The following DEFB134 variants were observed in gnomAD, a reference collection of about 807,000 sequenced individuals.
The protein encoded by DEFB134 is beta-defensin 134.
Under a neutral mutation model 7.4 loss-of-function variants are expected in DEFB134, and 7 were observed. The ratio of observed to expected loss-of-function variants is 0.95; its 90% CI spans 0.54 to 1.79. The LOEUF is 1.79. Among genes scored for constraint, DEFB134 ranks in the 40% most tolerant of loss-of-function variants. The pLI is 0.00. For missense variants in DEFB134, 105 were observed against 74.8 expected, an observed-to-expected ratio of 1.40 and a Z score of -1.49; for synonymous variants, 33 against 25.0, an observed-to-expected ratio of 1.32 and a Z score of -0.96.
upstream of DEFB134, among the ~76,000 whole-genome samples, chr8:11,998,790 G>T (rs1296502562): frequency 6.6e-6 from 1 of 152,030 alleles, no homozygotes; most frequent in Non-Finnish European, 1.5e-5. Context: ...TGCTTATTTA[G>T]ACTGCTAGCT....
upstream of DEFB134, among the ~76,000 whole-genome samples, chr8:11,998,376 A>T (rs1351146027): frequency 6.6e-6 from 1 of 151,940 alleles, no homozygotes; most frequent in Non-Finnish European, 1.5e-5. Context: ...GCTTGCGCCT[A>T]AGGGGTTGGG....
At chr8:11,996,070 AG>A in intron 1 of DEFB134, 123 bp downstream of exon 2, 1 of 1,159,232 alleles carries the variant, frequency 8.6e-7, no homozygotes, top group East Asian at 2.4e-5. Context: ...CATCAAAACT[AG>A]TTGATGCTTT....
At chr8:11,996,245 G>T in exon 1 of DEFB134, 1 of 1,613,692 alleles carries the variant, frequency 6.2e-7, no homozygotes, top group Non-Finnish European at 8.5e-7. Flanking sequence ...ACAAGGAGAG[G>T]CTTCATGGCT....
intron 1 of DEFB134, among the ~76,000 whole-genome samples, chr8:11,995,762 CA>C (rs1800102226): frequency 6.6e-6 from 1 of 152,056 alleles, no homozygotes; most frequent in Non-Finnish European, 1.5e-5. Context: ...GAATTAGAGA[CA>C]AAATAACAGC....
upstream of DEFB134, among the ~76,000 whole-genome samples, chr8:11,998,415 C>T (rs780183045): frequency 2.0e-5 from 3 of 151,422 alleles, no homozygotes; most frequent in Non-Finnish European, 4.4e-5. Context: ...TGTCCTGCTC[C>T]ACCCAAGCCT....
exon 2 of DEFB134, chr8:11,993,902 G>T: frequency 1.9e-6 from 3 of 1,551,932 alleles, no homozygotes; most frequent in South Asian, 2.5e-5. Context: ...GTCACAGTTT[G>T]ATCTAAATTC....
chr8:11,994,582 C>A (rs763246614), intron 1 of DEFB134, among the ~76,000 whole-genome samples: 1 of 152,142 alleles, frequency 6.6e-6, no homozygotes, highest in African/African-American at 2.4e-5. Flanking sequence ...CCACAGTGTG[C>A]GGAATTTTGT....
At position 11,994,140 on chromosome 8, in the gene DEFB134, A is replaced by G; in HGVS notation, c.59-18T>C. ...ATTTATACCTGGAAGGAAAATGAAT[A>G]GAAAGATAATTCACTACAGGCCTTT... On this transcript the variant is annotated intron_variant, in intron 1 of 1. Coordinates refer to ENST00000526438, the Ensembl canonical transcript of DEFB134. 1 of 1,607,116 alleles carries G rather than the reference A, an allele frequency of 6.2e-7. No individual in the cohort carries two copies. Among genetic ancestry groups the G allele is most frequent in the African/African-American group, 1.3e-5 (1 of 74,774 alleles).
rs111399861 is a variant in DEFB134, at chr8:11,994,185, G to A, written c.59-63C>T. 5 of 1,530,856 alleles carry A rather than the reference G, an allele frequency of 3.3e-6. No homozygotes were observed. The South Asian group carries it at 6.3e-5, about 19-fold the overall frequency. The allele number at this position is 1,530,856 out of a possible 1,614,324, so 94.8% of individuals were successfully genotyped here. ...GCCTTTTTGGACCATAAAATTGCTA[G>A]TCCCTCAATTTTTATCCAACCGGAT... On this transcript the variant is annotated intron_variant, in intron 1 of 1. Coordinates refer to ENST00000526438, the Ensembl canonical transcript of DEFB134.
At chr8:11,994,065 C>T (rs768889946) in exon 2 of DEFB134, 21 of 1,613,732 alleles carry the variant, frequency 1.3e-5, no homozygotes, top group African/African-American at 2.7e-5. Flanking sequence ...GCATTCAAGT[C>T]TGCAGATGCC....
chr8:11,999,313 C>A, upstream of DEFB134: 1 of 220,738 alleles, frequency 4.5e-6, no homozygotes. Context: ...GAAAAAAAGA[C>A]CTGGAAACCT....
At chr8:11,994,217 G>T in intron 1 of DEFB134, 95 bp from the exon 3 acceptor site, 1 of 1,409,502 alleles carries the variant, frequency 7.1e-7, no homozygotes, top group Non-Finnish European at 9.5e-7. Context: ...GGATACCAAG[G>T]AGATTTGGTT....
intron 1 of DEFB134, among the ~76,000 whole-genome samples, chr8:11,994,694 A>C (rs1407308768): frequency 6.6e-6 from 1 of 152,242 alleles, no homozygotes; most frequent in Non-Finnish European, 1.5e-5. Flanking sequence ...TCACATAGTC[A>C]TTCATTCATT....
chr8:11,998,475 A>T (rs1026633836), upstream of DEFB134, among the ~76,000 whole-genome samples: 2 of 152,070 alleles, frequency 1.3e-5, no homozygotes, highest in African/African-American at 4.8e-5. Flanking sequence ...AAAAATAAAA[A>T]AGAGACGTTC....
upstream of DEFB134, among the ~76,000 whole-genome samples, chr8:11,998,422 G>A (rs1298323740): frequency 6.6e-6 from 1 of 150,680 alleles, no homozygotes; most frequent in African/African-American, 2.4e-5. Context: ...CTCCACCCAA[G>A]CCTGGGTGAT....
upstream of DEFB134, chr8:11,999,338 A>G (rs572657041): frequency 9.6e-4 from 214 of 222,222 alleles, no homozygotes; most frequent in Non-Finnish European, 1.5e-3. Flanking sequence ...CTCAGAGAGG[A>G]CATGCTCAGT....
intron 1 of DEFB134, 91 bp downstream of exon 2, chr8:11,996,103 G>A (rs1800113080): frequency 7.0e-7 from 1 of 1,435,074 alleles, no homozygotes; most frequent in Non-Finnish European, 9.6e-7. Flanking sequence ...AAAATTAAAG[G>A]GCCCATGGGT....
At chr8:11,997,993 A>G (rs1800171133), upstream of DEFB134, among the ~76,000 whole-genome samples, 1 of 152,196 alleles carries the variant, frequency 6.6e-6, no homozygotes, top group Admixed American at 6.5e-5. Context: ...TTAACAAATT[A>G]AAAAGAACGC....
upstream of DEFB134, among the ~76,000 whole-genome samples, chr8:11,998,482 G>A (rs778575707): frequency 3.3e-5 from 5 of 151,764 alleles, no homozygotes; most frequent in African/African-American, 7.3e-5. Flanking sequence ...AAAAAGAGAC[G>A]TTCATTGAAA....
Sources: gnomAD v4.1 joint callset for allele counts (sites outside exome capture counted in the v4.1 genomes callset) on GRCh38, gnomAD v4.1.1 for gene constraint, MANE v1.5 for transcripts, NCBI Gene and HGNC (gene_info 2026-07-23, HGNC 2026-07-21) for gene names.